MEIS2: variants seen among roughly 807,000 people sequenced by gnomAD.
MEIS2 encodes the protein homeobox protein Meis2.
MEIS2 carries 9 observed loss-of-function variants against 58.6 expected under a neutral mutation model. The observed-to-expected ratio is 0.15, with a 90% confidence interval of 0.09 to 0.27. The LOEUF is 0.27. Among genes scored for constraint, MEIS2 ranks in the 10% least tolerant of loss-of-function variants. MEIS2 has a pLI of 1.00. For missense variants in MEIS2, 427 were observed against 635.0 expected (o/e 0.67, Z 3.52); for synonymous variants, 221 against 228.4 (o/e 0.97, Z 0.29).
intron 7 of MEIS2, among the ~76,000 whole-genome samples, chr15:37,075,239 C>G (rs908982575): frequency 6.6e-6 from 1 of 151,958 alleles, no homozygotes. Context: ...ATTGCATCTC[C>G]AAATTCTGAC....
At position 36,891,242 on chromosome 15, in the gene MEIS2, ATTCT is replaced by A. The variant is rs1014451615; in HGVS notation, c.*927_*930del. The A allele has an allele frequency of 6.6e-5, 10 of 151,842 alleles. No individual in the cohort carries two copies. Among genetic ancestry groups the A allele is most frequent in the African/African-American group, 2.4e-4 (10 of 40,842 alleles). 9.4% of individuals were successfully genotyped at this position (151,842 alleles called of 1,614,324 possible). A position where few individuals can be genotyped will look rare whatever the true frequency, so the allele number is the denominator to read the frequency against. On this transcript the variant is annotated 3_prime_UTR_variant, in exon 12 of 12. Coordinates refer to ENST00000561208, the MANE Select transcript of MEIS2 (RefSeq NM_170675.5). Reference sequence around the variant, plus strand: ...CAGCAGATCTGATACTAGCAAAAACATTCTTTTTTTTTTCAATTGAGGTAAACAC... The same window carrying A: ...CAGCAGATCTGATACTAGCAAAAACATTTTTTTTTCAATTGAGGTAAACAC...
At chr15:37,015,447 A>T (rs1023863458) in intron 8 of MEIS2, among the ~76,000 whole-genome samples, 4 of 146,826 alleles carry the variant, frequency 2.7e-5, no homozygotes, top group Admixed American at 6.9e-5. Flanking sequence ...TTGGTGCAGG[A>T]GTATATCCAC....
At chr15:36,972,097 G>C (rs1005350705) in intron 8 of MEIS2, among the ~76,000 whole-genome samples, 6 of 152,110 alleles carry the variant, frequency 3.9e-5, no homozygotes, top group African/African-American at 9.7e-5. Flanking sequence ...GAAGAAATGA[G>C]AATATGGTAT....
intron 7 of MEIS2, among the ~76,000 whole-genome samples, chr15:37,054,302 T>C (rs935597979): frequency 6.6e-6 from 1 of 152,188 alleles, no homozygotes; most frequent in African/African-American, 2.4e-5. Flanking sequence ...AAAGTAGAAA[T>C]AAATTCTAAA....
At chr15:37,090,962 G>A (rs1393665010) in intron 6 of MEIS2, among the ~76,000 whole-genome samples, 1 of 152,144 alleles carries the variant, frequency 6.6e-6, no homozygotes, top group Non-Finnish European at 1.5e-5. Flanking sequence ...TTTCTGAAGT[G>A]GCTCATCATC....
intron 9 of MEIS2, among the ~76,000 whole-genome samples, chr15:36,906,086 G>C (rs576486424): frequency 1.3e-5 from 2 of 152,328 alleles, no homozygotes; most frequent in East Asian, 1.9e-4. Flanking sequence ...AGTCCAGACC[G>C]GGGCCGATGT....
In MEIS2 at chr15:36,977,063, T is replaced by A. The variant is rs1427912016; in HGVS notation, c.901-26663A>T. Among the ~76,000 whole-genome samples, 3 of 151,944 alleles carry A rather than the reference T, an allele frequency of 2.0e-5. No homozygotes were observed. The South Asian group carries it at 6.2e-4, about 32-fold the overall frequency. On this transcript the variant is annotated intron_variant, in intron 8 of 11. Transcript: ENST00000561208. The stretch of plus-strand genomic sequence containing the variant: ...ATCGTTTGAACCTGGGAGGTGGAGG[T>A]TGCAGTGAGCCACGATTGTGGGATT...
At chr15:36,946,726 T>C (rs900516150) in intron 9 of MEIS2, among the ~76,000 whole-genome samples, 2 of 151,964 alleles carry the variant, frequency 1.3e-5, no homozygotes, top group Non-Finnish European at 1.5e-5. Context: ...CTTACAACTA[T>C]ATGAGATATA....
At chr15:36,959,858 G>T (rs1218962783) in intron 8 of MEIS2, among the ~76,000 whole-genome samples, 1 of 152,074 alleles carries the variant, frequency 6.6e-6, no homozygotes, top group African/African-American at 2.4e-5. Flanking sequence ...GAAGTATGTA[G>T]CAGAGAGTTA....
At chr15:36,939,931 T>C (rs1471345154) in intron 9 of MEIS2, among the ~76,000 whole-genome samples, 1 of 152,192 alleles carries the variant, frequency 6.6e-6, no homozygotes, top group Non-Finnish European at 1.5e-5. Flanking sequence ...TTGGCAAGTC[T>C]TTCATTAATC....
chr15:36,909,028 C>T (rs985488276), intron 9 of MEIS2, among the ~76,000 whole-genome samples: 1 of 152,126 alleles, frequency 6.6e-6, no homozygotes, highest in Non-Finnish European at 1.5e-5. Flanking sequence ...TCTTTAGAGT[C>T]AGGTAACGTA....
chr15:37,047,368 A>G (rs1185804594), intron 7 of MEIS2, among the ~76,000 whole-genome samples: 1 of 152,096 alleles, frequency 6.6e-6, no homozygotes, highest in Admixed American at 6.5e-5. Flanking sequence ...TCAGCCCTAA[A>G]CACAGAAGGC....
At position 37,026,047 on chromosome 15, in the gene MEIS2, T is replaced by TA. The variant is rs531705164; in HGVS notation, c.900+10766dup. Reference sequence around the variant, plus strand: ...ATGTTCCCATGTTCTCTTACTACTTTAAAAAAAAAATCACTGTGAGGAAGG... The same window carrying TA: ...ATGTTCCCATGTTCTCTTACTACTTTAAAAAAAAAAATCACTGTGAGGAAGG... On this transcript the variant is annotated intron_variant, in intron 8 of 11. Coordinates refer to ENST00000561208, the MANE Select transcript of MEIS2 (RefSeq NM_170675.5). Among the ~76,000 whole-genome samples the TA allele has an allele frequency of 1.5e-3, 229 of 149,864 alleles. No homozygotes were observed. In the Middle Eastern group the frequency reaches 0.021, roughly 14 times the overall value.
intron 9 of MEIS2, among the ~76,000 whole-genome samples, chr15:36,937,324 G>A (rs1230573319): frequency 6.6e-6 from 1 of 152,076 alleles, no homozygotes; most frequent in Non-Finnish European, 1.5e-5. Context: ...AAATCATTTG[G>A]TCTGATCATC....
intron 7 of MEIS2, among the ~76,000 whole-genome samples, chr15:37,057,398 G>A (rs1050998211): frequency 6.6e-6 from 1 of 152,152 alleles, no homozygotes; most frequent in African/African-American, 2.4e-5. Context: ...TTAGCTGATC[G>A]TTGCTTTTGT....
At chr15:36,944,169 G>A (rs1156452803) in intron 9 of MEIS2, among the ~76,000 whole-genome samples, 1 of 151,988 alleles carries the variant, frequency 6.6e-6, no homozygotes, top group East Asian at 1.9e-4. Context: ...TCAATGCCCT[G>A]GTTACCCCCA....
intron 8 of MEIS2, among the ~76,000 whole-genome samples, chr15:37,033,245 A>G (rs887269886): frequency 1.1e-4 from 16 of 152,038 alleles, no homozygotes; most frequent in South Asian, 4.2e-4. Context: ...AAGTTGCTCC[A>G]CGCTGGTTGG....
At chr15:36,962,037 G>A (rs2059200359) in intron 8 of MEIS2, among the ~76,000 whole-genome samples, 1 of 152,198 alleles carries the variant, frequency 6.6e-6, no homozygotes, top group Admixed American at 6.5e-5. Flanking sequence ...AATTTTTAAT[G>A]CAGCTAAATT....
At chr15:37,091,610 C>T (rs1326560806) in intron 6 of MEIS2, among the ~76,000 whole-genome samples, 1 of 152,158 alleles carries the variant, frequency 6.6e-6, no homozygotes, top group Non-Finnish European at 1.5e-5. Flanking sequence ...GCACTATCCT[C>T]TTAGGTACAA....
Sources: gnomAD v4.1 joint callset for allele counts (sites outside exome capture counted in the v4.1 genomes callset) on GRCh38, gnomAD v4.1.1 for gene constraint, MANE v1.5 for transcripts, NCBI Gene and HGNC (gene_info 2026-07-23, HGNC 2026-07-21) for gene names.